TNNT1: variants seen among roughly 807,000 people sequenced by gnomAD.
The protein encoded by TNNT1 is troponin T, slow skeletal muscle.
A neutral mutation model predicts 50.6 loss-of-function variants in TNNT1; 53 were observed. That is an observed-to-expected ratio of 1.05 (90% CI 0.84 to 1.32). The LOEUF is 1.32. Ranked by LOEUF, TNNT1 falls within the 40% of genes most tolerant of loss-of-function variation. The pLI is 0.00. For synonymous variants in TNNT1, 142 were observed against 138.0 expected, an observed-to-expected ratio of 1.03 and a Z score of -0.20; for missense variants, 348 against 381.7, an observed-to-expected ratio of 0.91 and a Z score of 0.74.
chr19:55,147,283 TGGGTGTGAGAGAGGAGGAGCTG>T, intron 1 of TNNT1, 115 bp from the exon 2 acceptor site: 1 of 943,710 alleles, frequency 1.1e-6, no homozygotes, highest in Non-Finnish European at 1.6e-6. Flanking sequence ...TCTGGACTCC[TGGGTGTGAGAGAGGAGGAGCTG>T]GGGTCTGGAC....
intron 7 of TNNT1, 45 bp from the exon 8 acceptor site, chr19:55,141,347 G>C (rs1189101489): frequency 4.8e-6 from 7 of 1,452,978 alleles, no homozygotes. Context: ...CCTGGAGGGG[G>C]CAGCAGCCTC....
chr19:55,140,055 G>A (rs142454890), intron 9 of TNNT1, among the ~76,000 whole-genome samples: 8 of 151,954 alleles, frequency 5.3e-5, no homozygotes, highest in African/African-American at 1.9e-4. Context: ...ACCAGGAGGC[G>A]GAGGTTGCAG....
intron 9 of TNNT1, 93 bp from the exon 10 acceptor site, chr19:55,138,167 G>C: frequency 1.2e-6 from 2 of 1,603,144 alleles, no homozygotes; most frequent in South Asian, 2.2e-5. Flanking sequence ...GGGATCAGCA[G>C]ACCCAGTGCC....
In TNNT1 at chr19:55,137,134, C is replaced by A; in HGVS notation, c.580G>T (p.Asp194Tyr). Reference protein sequence around the residue: ...RILSERKKPLDIDYMGEEQLR... With the variant: ...RILSERKKPLYIDYMGEEQLR... ...TGTTCCTCCCCCATGTAGTCAATGT[C>A]CAGAGGCTTCTTACGCTCGGAGAGG... The change falls in exon 11 of 14, where the codon GAC becomes TAC. Residue 194 changes from aspartate (D) to tyrosine (Y), a missense_variant. Coordinates refer to ENST00000588981, the MANE Select transcript of TNNT1 (RefSeq NM_003283.6). The A allele has an allele frequency of 6.4e-7, 1 of 1,563,320 alleles. No homozygotes were observed. The highest frequency in any genetic ancestry group is 8.7e-7 in the Non-Finnish European group (1 of 1,149,332).
chr19:55,146,838 C>G (rs1023867794), intron 3 of TNNT1, 131 bp from the exon 4 acceptor site: 1 of 1,184,894 alleles, frequency 8.4e-7, no homozygotes, highest in African/African-American at 1.6e-5. Context: ...GCACGTTCCC[C>G]CTGGCGGTGC....
At chr19:55,140,735 CCACT>C in intron 9 of TNNT1, 144 bp downstream of exon 9, 1 of 421,952 alleles carries the variant, frequency 2.4e-6, no homozygotes, top group East Asian at 5.4e-5. Context: ...TGAGATCGTG[CCACT>C]GCACTCCAGC....
rs770552250 is a variant in TNNT1 at position 55,147,152 on chromosome 19, C to G, written c.6G>C (p.Ser2=). The change falls in exon 2 of 14, where the codon TCG becomes TCC. Residue 2 remains serine, a synonymous_variant. Coordinates refer to ENST00000588981, the MANE Select transcript of TNNT1 (RefSeq NM_003283.6). ...CCTCATATTCCTGCTCCTCGGTGTCCGACATCCTGGTGCGGCCTAAGGACC... is the reference window on the plus strand; with the variant it reads ...CCTCATATTCCTGCTCCTCGGTGTCGGACATCCTGGTGCGGCCTAAGGACC... M[S]DTEEQEYEEE... 1.2e-6 allele frequency: 2 copies of G among 1,613,714 alleles called. No homozygotes were observed. Among genetic ancestry groups the G allele is most frequent in the Middle Eastern group, 1.7e-4 (1 of 6,060 alleles).
Position 55,133,042 on chromosome 19 carries a change from C to T in TNNT1, c.792-82G>A. The T allele has an allele frequency of 2.3e-6, 3 of 1,278,862 alleles. No homozygotes were observed. In the African/African-American group the frequency reaches 4.4e-5, roughly 19 times the overall value. The allele number at this position is 1,278,862 out of a possible 1,614,324, so 79.2% of individuals were successfully genotyped here. On this transcript the variant is annotated intron_variant, in intron 13 of 13. Transcript: ENST00000588981. ...GCCCCAGGCCCTCAATTCAGGAAGC[C>T]CATTCCCCAAAATATTAGCCCTCCC...
rs547639017 is a variant in TNNT1 at position 55,138,381 on chromosome 19, A to G, written c.388-307T>C. On this transcript the variant is annotated intron_variant, in intron 9 of 13. Transcript: ENST00000588981. ...CAACCTCCGCCTCCCGGGTTTAAGC[A>G]ATTCTCCAGCCTCAGCCTCCTGAGT... Among the ~76,000 whole-genome samples, 3 of 151,526 alleles carry G rather than the reference A, an allele frequency of 2.0e-5. No individual in the cohort carries two copies. The South Asian group carries it at 6.2e-4, about 32-fold the overall frequency.
intron 6 of TNNT1, 78 bp downstream of exon 6, chr19:55,145,466 C>G (rs1396996905): frequency 1.4e-6 from 2 of 1,462,666 alleles, no homozygotes; most frequent in African/African-American, 2.8e-5. Context: ...CTCTGCCTTT[C>G]TCACACCTTG....
chr19:55,138,115 G>A (rs754275974), intron 9 of TNNT1, 41 bp from the exon 10 acceptor site: 3 of 1,613,748 alleles, frequency 1.9e-6, no homozygotes, highest in East Asian at 2.2e-5. Context: ...CTCCCCTGTA[G>A]GACTGAGGGA....
intron 9 of TNNT1, among the ~76,000 whole-genome samples, chr19:55,138,616 AAATG>A (rs2085397841): frequency 6.6e-6 from 1 of 152,012 alleles, no homozygotes; most frequent in African/African-American, 2.4e-5. Flanking sequence ...GAAAAAATCG[AAATG>A]AAGGAGAAGA....
At chr19:55,145,704 A>G in intron 5 of TNNT1, 139 bp from the exon 6 acceptor site, 1 of 805,892 alleles carries the variant, frequency 1.2e-6, no homozygotes, top group Non-Finnish European at 2.1e-6. Flanking sequence ...CCAGTTCTGG[A>G]GGAGGGGGGA....
Position 55,134,087 on chromosome 19 carries a change from C to G in TNNT1, c.729G>C (p.Lys243Asn). Residue 243 changes from lysine (K) to asparagine (N), a missense_variant, in exon 12 of 14, where the codon AAG becomes AAC. Around this residue, in one of 3 missense-constraint regions of TNNT1, gnomAD observed 253 missense variants for 291.8 expected, o/e 0.87. Coordinates refer to ENST00000588981, the MANE Select transcript of TNNT1 (RefSeq NM_003283.6). ...TCACCTCATATTTCTGCTGTTTCAGCTTCGCCATCAGGTCGAACTTCTCAG... is the reference window on the plus strand; with the variant it reads ...TCACCTCATATTTCTGCTGTTTCAGGTTCGCCATCAGGTCGAACTTCTCAG... ...LESEKFDLMAKLKQQKYEINV... is the reference protein window; with the variant it reads ...LESEKFDLMANLKQQKYEINV... 1 of 1,613,036 alleles carries G rather than the reference C, an allele frequency of 6.2e-7. No homozygotes were observed.
rs1243525409 is a variant in TNNT1 at position 55,147,127 on chromosome 19, C to CA, written c.30_31insT (p.Glu11Ter). ...AACCCCTCCCAGTGCAGCACTCACT[C>CA]CTCATATTCCTGCTCCTCGGTGTCC... On this transcript the variant is annotated frameshift_variant and splice_region_variant, in exon 2 of 14. Transcript: ENST00000588981. LOFTEE classifies it high-confidence loss of function. 1.2e-6 allele frequency: 2 copies of CA among 1,613,780 alleles called. No individual in the cohort carries two copies. Among genetic ancestry groups the CA allele is most frequent in the African/African-American group, 2.7e-5 (2 of 74,928 alleles).
intron 5 of TNNT1, 57 bp from the exon 6 acceptor site, chr19:55,145,622 T>G: frequency 3.8e-6 from 6 of 1,582,014 alleles, no homozygotes; most frequent in Non-Finnish European, 5.2e-6. Context: ...GGAGAGGGGC[T>G]AGGCCTGACA....
intron 7 of TNNT1, among the ~76,000 whole-genome samples, chr19:55,141,635 C>T (rs2085457207): frequency 6.6e-6 from 1 of 152,068 alleles, no homozygotes; most frequent in Non-Finnish European, 1.5e-5. Context: ...AGACACCTGC[C>T]ACCACGCCCG....
chr19:55,142,704 C>T (rs970573000), intron 6 of TNNT1, among the ~76,000 whole-genome samples: 4 of 151,680 alleles, frequency 2.6e-5, no homozygotes, highest in African/African-American at 4.8e-5. Context: ...CCTGCCACCA[C>T]GCCTGGGTAA....
chr19:55,139,358 T>C (rs1276763339), intron 9 of TNNT1, among the ~76,000 whole-genome samples: 1 of 152,210 alleles, frequency 6.6e-6, no homozygotes, highest in Non-Finnish European at 1.5e-5. Context: ...AATGCAGATT[T>C]GTTATCTTAC....
Sources: gnomAD v4.1 joint callset for allele counts (sites outside exome capture counted in the v4.1 genomes callset) on GRCh38, gnomAD v4.1.1 for gene constraint, gnomAD v4.1.1 regional missense constraint, MANE v1.5 for transcripts, NCBI Gene and HGNC (gene_info 2026-07-23, HGNC 2026-07-21) for gene names.